The following GRM4 variants were observed in gnomAD, a reference collection of about 807,000 sequenced individuals.
GRM4 encodes metabotropic glutamate receptor 4.
A neutral mutation model predicts 81.7 loss-of-function variants in GRM4; 28 were observed. That is an observed-to-expected ratio of 0.34 (90% CI 0.25 to 0.47). GRM4 has a LOEUF of 0.47. GRM4 is among the 20% of genes least tolerant of loss of function. GRM4 has a pLI of 1.00. For synonymous variants in GRM4, 488 were observed against 528.8 expected (o/e 0.92, Z 1.06); for missense variants, 948 against 1,290.0 (o/e 0.73, Z 4.06).
At chr6:34,044,589 CAG>C (rs1765229448) in intron 6 of GRM4, among the ~76,000 whole-genome samples, 1 of 151,306 alleles carries the variant, frequency 6.6e-6, no homozygotes, top group Non-Finnish European at 1.5e-5. Flanking sequence ...TACACAGACA[CAG>C]ACACACACAT....
intron 3 of GRM4, among the ~76,000 whole-genome samples, chr6:34,075,379 T>A (rs1767261074): frequency 6.6e-6 from 1 of 152,142 alleles, no homozygotes; most frequent in African/African-American, 2.4e-5. Flanking sequence ...GCCAGAACGT[T>A]CCCCTCTAGA....
chr6:34,150,386 G>A (rs1193980078), upstream of GRM4, among the ~76,000 whole-genome samples: 27 of 151,950 alleles, frequency 1.8e-4, no homozygotes, highest in Admixed American at 1.8e-3. Context: ...CGCAAGAGTG[G>A]GGGTGCAGGA....
At chr6:34,106,339 C>T (rs962912621) in intron 2 of GRM4, among the ~76,000 whole-genome samples, 3 of 151,648 alleles carry the variant, frequency 2.0e-5, no homozygotes, top group Admixed American at 2.0e-4. Context: ...CACTTGAACC[C>T]AGGAGGCGGA....
intron 5 of GRM4, 105 bp downstream of exon 5, chr6:34,058,869 G>A (rs1299940330): frequency 3.4e-6 from 3 of 870,450 alleles, no homozygotes; most frequent in Non-Finnish European, 5.3e-6. Flanking sequence ...AAGAGAAAAG[G>A]AAGGATATGG....
intron 3 of GRM4, among the ~76,000 whole-genome samples, chr6:34,075,928 A>G (rs937040): frequency 0.082 from 12,536 of 152,186 alleles, 1,106 homozygotes; most frequent in African/African-American, 0.21. Flanking sequence ...TCCCCAGCCT[A>G]TTCACCCCAG....
chr6:34,058,062 TG>T (rs2127459942), intron 5 of GRM4, among the ~76,000 whole-genome samples: 1 of 151,550 alleles, frequency 6.6e-6, no homozygotes, highest in African/African-American at 2.4e-5. Context: ...TGGGCAGAGG[TG>T]GTTCCAGAGC....
intron 3 of GRM4, among the ~76,000 whole-genome samples, chr6:34,076,450 CG>C (rs35466316): frequency 0.19 from 28,177 of 152,100 alleles, 3,427 homozygotes; most frequent in African/African-American, 0.33. Context: ...TACAGAAAAC[CG>C]GGGGGCTGGG....
chr6:34,094,062 G>T (rs567101089), intron 2 of GRM4, among the ~76,000 whole-genome samples: 1 of 152,230 alleles, frequency 6.6e-6, no homozygotes, highest in African/African-American at 2.4e-5. Context: ...TTACACAGCT[G>T]TGAAAAGGAA....
intron 2 of GRM4, among the ~76,000 whole-genome samples, chr6:34,094,022 T>A (rs1768382632): frequency 6.6e-6 from 1 of 152,158 alleles, no homozygotes; most frequent in Non-Finnish European, 1.5e-5. Flanking sequence ...GAGGGGATTG[T>A]TTAAAGAAGT....
chr6:34,035,222 G>C lies in GRM4; in HGVS notation c.2442+446C>G, dbSNP rs1235176470. Among the ~76,000 whole-genome samples the C allele has an allele frequency of 2.6e-5, 4 of 151,700 alleles. No individual in the cohort carries two copies. The highest frequency in any genetic ancestry group is 2.4e-5 in the African/African-American group (1 of 41,238). ...GGTACAGCGCTCCAGGCTTATGGAG[G>C]GGGGAAGGGGTGAGAGAATAGGAGG... On this transcript the variant is annotated intron_variant, in intron 9 of 10. Transcript: ENST00000538487. This position sits in a 1 kb window ranked among gnomAD's most constrained non-coding sequence, Gnocchi z 6.6.
At chr6:34,033,259 C>A (rs951157867) in intron 9 of GRM4, among the ~76,000 whole-genome samples, 21 of 152,326 alleles carry the variant, frequency 1.4e-4, no homozygotes, top group African/African-American at 4.8e-4. Flanking sequence ...CACTCACTGC[C>A]AGCCCCAAGG....
chr6:34,020,587 C>T lies in GRM4; in HGVS notation c.*2234G>A, dbSNP rs1213412230. On this transcript the variant is annotated 3_prime_UTR_variant, in exon 11 of 11. Coordinates refer to ENST00000538487, the MANE Select transcript of GRM4 (RefSeq NM_000841.4). ...TTGGGAGATACCCTTGATCTGGCAA[C>T]CTAGTTCTGCCTGACCGGGCTGGAG... 1.4e-5 allele frequency: 2 copies of T among 142,548 alleles called. No individual in the cohort carries two copies. The highest frequency in any genetic ancestry group is 5.1e-5 in the African/African-American group (2 of 38,914). 8.8% of individuals were successfully genotyped at this position (142,548 alleles called of 1,614,324 possible).
At chr6:34,038,557 G>GA (rs1317348867) in intron 8 of GRM4, among the ~76,000 whole-genome samples, 1 of 152,224 alleles carries the variant, frequency 6.6e-6, no homozygotes, top group Non-Finnish European at 1.5e-5. Flanking sequence ...CCTGGAGGAG[G>GA]ACAGTAGCCA....
At chr6:34,044,839 CAT>C (rs1424679465) in intron 6 of GRM4, among the ~76,000 whole-genome samples, 1 of 142,688 alleles carries the variant, frequency 7.0e-6, no homozygotes, top group African/African-American at 2.9e-5. Flanking sequence ...CATACATACA[CAT>C]ATATACATAG....
intron 6 of GRM4, among the ~76,000 whole-genome samples, chr6:34,050,750 T>C (rs889831875): frequency 6.6e-6 from 1 of 152,218 alleles, no homozygotes; most frequent in Non-Finnish European, 1.5e-5. Flanking sequence ...AGGCTCTGCC[T>C]TCTCCACCCT....
chr6:34,020,887 G>A lies in GRM4; in HGVS notation c.*1934C>T, dbSNP rs139047372. On this transcript the variant is annotated 3_prime_UTR_variant, in exon 11 of 11. Coordinates refer to ENST00000538487, the MANE Select transcript of GRM4 (RefSeq NM_000841.4). ...ACACACTCTCATACTCTGTCCCTGCGTGGCCCCCTGCCTAGGGTTCCTCCA... is the reference window on the plus strand; with the variant it reads ...ACACACTCTCATACTCTGTCCCTGCATGGCCCCCTGCCTAGGGTTCCTCCA... 0.011 allele frequency: 1,701 copies of A among 152,374 alleles called. 18 individuals are homozygous for A. Among genetic ancestry groups the A allele is most frequent in the Non-Finnish European group, 0.016 (1,123 of 68,142 alleles). 9.4% of individuals were successfully genotyped at this position (152,374 alleles called of 1,614,324 possible). A position where few individuals can be genotyped will look rare whatever the true frequency, so the allele number is the denominator to read the frequency against.
chr6:34,096,875 G>A (rs1304487755), intron 2 of GRM4, among the ~76,000 whole-genome samples: 3 of 152,208 alleles, frequency 2.0e-5, no homozygotes, highest in Admixed American at 6.5e-5. Flanking sequence ...AGCTGCTTCC[G>A]GACTTAAGCA....
At position 34,036,508 on chromosome 6, in the gene GRM4, C is replaced by T. The variant is rs1186804010; in HGVS notation, c.1602G>A (p.Lys534=). 3 of 1,612,604 alleles carry T rather than the reference C, an allele frequency of 1.9e-6. No individual in the cohort carries two copies. Among genetic ancestry groups the T allele is most frequent in the Non-Finnish European group, 2.5e-6 (3 of 1,179,442 alleles). The change falls in exon 9 of 11, where the codon AAG becomes AAA. Residue 534 remains lysine, a synonymous_variant. Coordinates refer to ENST00000538487, the MANE Select transcript of GRM4 (RefSeq NM_000841.4). The surrounding 1 kb of genome is among the most constrained non-coding windows in gnomAD (Gnocchi z 9.0). The stretch of plus-strand genomic sequence containing the variant: ...CGCAGTGCCAGCAGCAAGGCATGCC[C>T]TTCACTGTCTTCTTCCGCTCACCCG... ...CQPGERKKTV[K]GMPCCWHCEP... is the part of the protein sequence containing the mutation.
At chr6:34,143,181 T>C (rs980455031) in intron 1 of GRM4, among the ~76,000 whole-genome samples, 2 of 152,108 alleles carry the variant, frequency 1.3e-5, no homozygotes, top group African/African-American at 4.8e-5. Flanking sequence ...CAAAAGCTTA[T>C]GTGTAAAAGG....
Sources: allele counts gnomAD v4.1 joint callset (sites outside exome capture counted in the v4.1 genomes callset), GRCh38; gene constraint gnomAD v4.1.1; non-coding constraint Gnocchi (gnomAD v3.1); transcripts MANE v1.5; gene names NCBI Gene and HGNC (gene_info 2026-07-23, HGNC 2026-07-21).